ASCC3: variants seen among roughly 807,000 people sequenced by gnomAD.
The protein encoded by ASCC3 is activating signal cointegrator 1 complex subunit 3, also known as ASC-1 complex subunit P200.
In ASCC3, 158 loss-of-function variants were observed where a neutral mutation model predicts 256.3. The observed-to-expected ratio is 0.62, with a 90% confidence interval of 0.54 to 0.70. The LOEUF (loss-of-function observed/expected upper bound fraction) is 0.70, where lower values mean the gene tolerates loss of function less well. Ranked by LOEUF, ASCC3 falls within the 30% of genes least tolerant of loss-of-function variation. ASCC3 has a pLI of 0.00. For synonymous variants in ASCC3, 948 were observed against 883.4 expected (o/e 1.07, Z -1.30); for missense variants, 2,259 against 2,626.0 (o/e 0.86, Z 3.05).
chr6:100,853,137 C>A (rs982102543), intron 3 of ASCC3, among the ~76,000 whole-genome samples: 2 of 151,958 alleles, frequency 1.3e-5, no homozygotes, highest in South Asian at 2.1e-4. Flanking sequence ...TAGAACCTTA[C>A]CATATAAAAT....
In ASCC3 at chr6:100,627,726, G is replaced by C; in HGVS notation, c.4522-16C>G. 6.2e-7 allele frequency: 1 copy of C among 1,612,936 alleles called. No individual in the cohort carries two copies. The highest frequency in any genetic ancestry group is 8.5e-7 in the Non-Finnish European group (1 of 1,179,382). On this transcript the variant is annotated splice_polypyrimidine_tract_variant and intron_variant, in intron 28 of 41. Coordinates refer to ENST00000369162, the MANE Select transcript of ASCC3 (RefSeq NM_006828.4). ...ACAAGCCCATCTAGAGTAAATATGA[G>C]AGAGAAACCATTTTCAATTTTTATA... is the stretch of plus-strand genomic sequence containing the variant.
intron 3 of ASCC3, among the ~76,000 whole-genome samples, chr6:100,852,488 C>T (rs1772731148): frequency 6.6e-6 from 1 of 152,140 alleles, no homozygotes; most frequent in East Asian, 1.9e-4. Flanking sequence ...GCCTTTTGTT[C>T]ACTTCCCTTT....
intron 25 of ASCC3, among the ~76,000 whole-genome samples, chr6:100,633,727 A>G (rs1774676901): frequency 1.3e-5 from 2 of 151,746 alleles, no homozygotes; most frequent in South Asian, 4.2e-4. Flanking sequence ...TACAAAAATT[A>G]GCCAGGCGTG....
chr6:100,689,522 AG>A (rs1351503695), intron 13 of ASCC3, among the ~76,000 whole-genome samples: 1 of 152,196 alleles, frequency 6.6e-6, no homozygotes, highest in Non-Finnish European at 1.5e-5. Flanking sequence ...GCTAATTTTG[AG>A]GTCTACCTAC....
chr6:100,541,427 TG>T (rs1188640668), intron 36 of ASCC3, among the ~76,000 whole-genome samples: 2 of 152,178 alleles, frequency 1.3e-5, no homozygotes, highest in Admixed American at 6.5e-5. Context: ...GCTTACTGCA[TG>T]GAGCGTTACC....
In ASCC3 at chr6:100,512,733, C is replaced by G; in HGVS notation, c.6261G>C (p.Gln2087His). The change falls in exon 40 of 42, where the codon CAG becomes CAC. Residue 2087 changes from glutamine (Q) to histidine (H), a missense_variant. Gln to His is a conservative substitution (Grantham distance 24). Coordinates refer to ENST00000369162, the MANE Select transcript of ASCC3 (RefSeq NM_006828.4). ...DQEYVLQVSL[Q>H]RVHFGFHKGK... ...CCTTGTGGAACCCAAAGTGGACTCT[C>G]TGCAAGCTCACTTGAAGCACATACT... is the stretch of plus-strand genomic sequence containing the variant. 1 of 1,614,088 alleles carries G rather than the reference C, an allele frequency of 6.2e-7. No homozygotes were observed. The highest frequency in any genetic ancestry group is 8.5e-7 in the Non-Finnish European group (1 of 1,179,970).
Position 100,510,022 on chromosome 6 carries a change from T to G in ASCC3, c.6371A>C (p.Lys2124Thr), listed in dbSNP as rs1334549810. ...TCTTTTCAAAGCAATAAGTTCTCTC[T>G]TATCCACTTCTCCTAATATCAAAAA... ...GWFLILGEVD[K>T]RELIALKRVG... The change falls in exon 41 of 42, where the codon AAG becomes ACG. Residue 2124 changes from lysine (K) to threonine (T), a missense_variant. This residue lies in a region of ASCC3 where 1,839 missense variants were observed against 2,206.7 expected (regional missense o/e 0.83). Coordinates refer to ENST00000369162, the MANE Select transcript of ASCC3 (RefSeq NM_006828.4). 6.2e-7 allele frequency: 1 copy of G among 1,614,174 alleles called. No homozygotes were observed. Among genetic ancestry groups the G allele is most frequent in the South Asian group, 1.1e-5 (1 of 91,082 alleles).
intron 25 of ASCC3, 147 bp from the exon 26 acceptor site, chr6:100,631,360 A>T (rs947190408): frequency 3.1e-6 from 2 of 645,638 alleles, no homozygotes; most frequent in Admixed American, 5.3e-5. Flanking sequence ...TTTTTAAATC[A>T]ACGGGAAAAA....
chr6:100,686,847 A>T (rs541296534), intron 13 of ASCC3, among the ~76,000 whole-genome samples: 108 of 152,244 alleles, frequency 7.1e-4, no homozygotes, highest in Non-Finnish European at 1.4e-3. Context: ...TTGGGGCTTT[A>T]TTCTTTTCTT....
chr6:100,728,185 T>A (rs1017192696), intron 10 of ASCC3, among the ~76,000 whole-genome samples: 2 of 151,784 alleles, frequency 1.3e-5, no homozygotes, highest in Non-Finnish European at 2.9e-5. Context: ...AACAATTAAT[T>A]GAAAATAATG....
At chr6:100,590,101 T>C in intron 34 of ASCC3, 42 bp from the exon 35 acceptor site, 1 of 1,391,630 alleles carries the variant, frequency 7.2e-7, no homozygotes, top group Non-Finnish European at 1.0e-6. Context: ...TTCAAGACAT[T>C]TTCTACTAAA....
intron 13 of ASCC3, among the ~76,000 whole-genome samples, chr6:100,704,270 CCTT>C (rs1172522099): frequency 7.2e-5 from 11 of 151,988 alleles, no homozygotes; most frequent in Admixed American, 2.6e-4. Flanking sequence ...TAAAATGTCT[CCTT>C]CGACTCTAGC....
intron 13 of ASCC3, among the ~76,000 whole-genome samples, chr6:100,703,818 T>C (rs1327654545): frequency 6.6e-6 from 1 of 151,934 alleles, no homozygotes; most frequent in Non-Finnish European, 1.5e-5. Context: ...AACAAAGGAA[T>C]GAATAAATGG....
Position 100,767,140 on chromosome 6 carries a change from C to T in ASCC3, c.1596+5G>A, listed in dbSNP as rs553113954. On this transcript the variant is annotated splice_donor_5th_base_variant and intron_variant, in intron 9 of 41. Transcript: ENST00000369162. ...AAAAAGCTGTTGTCTGATTTATTTACTTACCTTAAATTCATTCTTTTTGAT... is the reference window on the plus strand; with the variant it reads ...AAAAAGCTGTTGTCTGATTTATTTATTTACCTTAAATTCATTCTTTTTGAT... 20 of 1,612,502 alleles carry T rather than the reference C, an allele frequency of 1.2e-5. No individual in the cohort carries two copies. The African/African-American group carries it at 1.9e-4, about 15-fold the overall frequency.
In ASCC3 at chr6:100,655,697, A is replaced by G. The variant is rs1441948021; in HGVS notation, c.2823+2T>C. On this transcript the variant is annotated splice_donor_variant, in intron 17 of 41. Coordinates refer to ENST00000369162, the MANE Select transcript of ASCC3 (RefSeq NM_006828.4). LOFTEE classifies it high-confidence loss of function. ...TTTTTTTTTAATAAATGAGTTTTCT[A>G]CCTGATAAGCCTTGTGACTGATGCC... 6.2e-7 allele frequency: 1 copy of G among 1,609,866 alleles called. No homozygotes were observed. Among genetic ancestry groups the G allele is most frequent in the Non-Finnish European group, 8.5e-7 (1 of 1,178,760 alleles).
chr6:100,654,705 G>A (rs1238566464), intron 17 of ASCC3, among the ~76,000 whole-genome samples: 2 of 151,956 alleles, frequency 1.3e-5, no homozygotes, highest in African/African-American at 2.4e-5. Flanking sequence ...AGAAAGGTAG[G>A]TGAGTCCCAT....
At chr6:100,563,335 T>C (rs1244983774) in intron 36 of ASCC3, among the ~76,000 whole-genome samples, 1 of 152,206 alleles carries the variant, frequency 6.6e-6, no homozygotes, top group Non-Finnish European at 1.5e-5. Flanking sequence ...TATGCTTGGC[T>C]TTAATTCTTA....
At chr6:100,668,365 A>G (rs1452076235) in intron 14 of ASCC3, among the ~76,000 whole-genome samples, 1 of 152,078 alleles carries the variant, frequency 6.6e-6, no homozygotes, top group Non-Finnish European at 1.5e-5. Context: ...CATTTCACTT[A>G]AACTGTTTGG....
chr6:100,646,404 G>A (rs533751237), intron 22 of ASCC3, among the ~76,000 whole-genome samples: 5 of 152,060 alleles, frequency 3.3e-5, no homozygotes, highest in South Asian at 2.1e-4. Context: ...CAGGCCTCCC[G>A]GGTTCATGCC....
Sources: gnomAD v4.1 joint callset for allele counts (sites outside exome capture counted in the v4.1 genomes callset) on GRCh38, gnomAD v4.1.1 for gene constraint, gnomAD v4.1.1 regional missense constraint, MANE v1.5 for transcripts, NCBI Gene and HGNC (gene_info 2026-07-23, HGNC 2026-07-21) for gene names.